Variants in CEP112 observed in about 807,000 individuals in gnomAD.
CEP112 encodes the protein centrosomal protein 112, also known as centrosomal protein of 112 kDa.
A neutral mutation model predicts 153.0 loss-of-function variants in CEP112; 127 were observed. That is an observed-to-expected ratio of 0.83 (90% CI 0.72 to 0.96). CEP112 has a LOEUF of 0.96. Among genes scored for constraint, CEP112 ranks in the 40% least tolerant of loss-of-function variants. CEP112 has a pLI of 0.00. For synonymous variants in CEP112, 358 were observed against 374.4 expected (o/e 0.96, Z 0.51); for missense variants, 1,089 against 1,101.2 (o/e 0.99, Z 0.16).
chr17:65,909,487 A>C (rs1031949195), intron 19 of CEP112, among the ~76,000 whole-genome samples: 8 of 152,174 alleles, frequency 5.3e-5, no homozygotes, highest in African/African-American at 1.9e-4. Context: ...ATACAATGTT[A>C]ATCTTAATCT....
At chr17:66,020,173 G>C (rs1202697900) in intron 16 of CEP112, among the ~76,000 whole-genome samples, 1 of 152,160 alleles carries the variant, frequency 6.6e-6, no homozygotes, top group East Asian at 1.9e-4. Flanking sequence ...TGGACAGCCA[G>C]TGATCTGCCC....
At chr17:65,916,632 G>A (rs2060503695) in intron 19 of CEP112, among the ~76,000 whole-genome samples, 1 of 151,104 alleles carries the variant, frequency 6.6e-6, no homozygotes, top group Non-Finnish European at 1.5e-5. Context: ...CTGTAACCTT[G>A]AACTCCCAGG....
chr17:66,000,299 G>T, intron 17 of CEP112, among the ~76,000 whole-genome samples: 1 of 147,282 alleles, frequency 6.8e-6, no homozygotes, highest in Admixed American at 6.8e-5. Context: ...GTTTTGATTT[G>T]CATTTCTCTA....
intron 23 of CEP112, among the ~76,000 whole-genome samples, chr17:65,693,561 G>A (rs1265644397): frequency 6.6e-6 from 1 of 152,054 alleles, no homozygotes; most frequent in East Asian, 1.9e-4. Context: ...ACCGTTGACA[G>A]GGAATTGGAA....
At chr17:66,092,099 T>C (rs1262390774) in intron 8 of CEP112, among the ~76,000 whole-genome samples, 1 of 151,002 alleles carries the variant, frequency 6.6e-6, no homozygotes, top group Admixed American at 6.6e-5. Context: ...TGGAGTGCAG[T>C]AGTGCGATCT....
At chr17:66,166,460 A>G (rs1394151703) in intron 4 of CEP112, among the ~76,000 whole-genome samples, 1 of 152,198 alleles carries the variant, frequency 6.6e-6, no homozygotes, top group Non-Finnish European at 1.5e-5. Context: ...ACTTCACTGA[A>G]AAGACATAAA....
At chr17:65,786,572 C>CTTTT (rs1195368604) in intron 21 of CEP112, among the ~76,000 whole-genome samples, 89 of 101,556 alleles carry the variant, frequency 8.8e-4, no homozygotes, top group Non-Finnish European at 1.2e-3. Flanking sequence ...TTAGCCAATT[C>CTTTT]TTTTTTTTTT....
At chr17:65,980,701 G>A (rs1458593231) in intron 17 of CEP112, among the ~76,000 whole-genome samples, 1 of 152,092 alleles carries the variant, frequency 6.6e-6, no homozygotes, top group Admixed American at 6.6e-5. Flanking sequence ...TGACCATTTG[G>A]GGGAATTTAA....
At chr17:65,769,556 T>C (rs1056133995) in intron 21 of CEP112, among the ~76,000 whole-genome samples, 8 of 152,222 alleles carry the variant, frequency 5.3e-5, no homozygotes, top group East Asian at 1.9e-4. Flanking sequence ...GGTACTGATA[T>C]AGAAACAGAT....
At chr17:65,985,496 T>C (rs1010067922) in intron 17 of CEP112, among the ~76,000 whole-genome samples, 3 of 152,182 alleles carry the variant, frequency 2.0e-5, no homozygotes, top group Non-Finnish European at 4.4e-5. Flanking sequence ...AGTCTAAAAG[T>C]GATGGCTAAG....
At chr17:65,867,711 TTTA>T (rs2058531050) in intron 20 of CEP112, among the ~76,000 whole-genome samples, 1 of 152,118 alleles carries the variant, frequency 6.6e-6, no homozygotes, top group Non-Finnish European at 1.5e-5. Flanking sequence ...TAATAAGGAG[TTTA>T]TTATTTAATA....
chr17:65,997,748 G>A (rs970733646), intron 17 of CEP112, among the ~76,000 whole-genome samples: 1 of 149,880 alleles, frequency 6.7e-6, no homozygotes, highest in Non-Finnish European at 1.5e-5. Context: ...TAAATATAAT[G>A]TCTAGATCCC....
At chr17:66,021,388 C>G (rs1020360363) in intron 16 of CEP112, among the ~76,000 whole-genome samples, 2 of 152,144 alleles carry the variant, frequency 1.3e-5, no homozygotes, top group African/African-American at 4.8e-5. Context: ...TGGGATACCC[C>G]TCCTTCATAG....
At chr17:65,975,873 A>T (rs778284326) in intron 17 of CEP112, among the ~76,000 whole-genome samples, 4 of 152,234 alleles carry the variant, frequency 2.6e-5, no homozygotes, top group Non-Finnish European at 5.9e-5. Context: ...CCAGGGAAGG[A>T]GAGAGAAAAA....
chr17:65,725,661 AAG>A (rs1412000583), intron 23 of CEP112, among the ~76,000 whole-genome samples: 1 of 152,178 alleles, frequency 6.6e-6, no homozygotes, highest in Admixed American at 6.5e-5. Flanking sequence ...TGGGAAGAAA[AAG>A]AGGTTTAATT....
intron 22 of CEP112, among the ~76,000 whole-genome samples, chr17:65,743,647 T>G (rs1347333522): frequency 6.6e-6 from 1 of 152,272 alleles, no homozygotes; most frequent in Non-Finnish European, 1.5e-5. Context: ...CACCTAATTC[T>G]ATACAGTAAT....
In CEP112 at chr17:65,744,366, G is replaced by C. The variant is rs573288342; in HGVS notation, c.2458-1149C>G. 7.2e-5 allele frequency among the ~76,000 whole-genome samples: 11 copies of C among 152,252 alleles called. No homozygotes were observed. The South Asian group carries it at 2.3e-3, about 32-fold the overall frequency. ...CCTCCCGGGTTCAAGTGATTCTCCT[G>C]CCTCAGCCTCCTGAGTAGCTGGGAC... On this transcript the variant is annotated intron_variant, in intron 22 of 26. Coordinates refer to ENST00000535342, the MANE Select transcript of CEP112 (RefSeq NM_001199165.4).
chr17:65,986,000 T>C (rs2063393703), intron 17 of CEP112, among the ~76,000 whole-genome samples: 1 of 152,130 alleles, frequency 6.6e-6, no homozygotes, highest in South Asian at 2.1e-4. Flanking sequence ...CCTAAACTTA[T>C]CCATTATGCA....
At position 65,902,266 on chromosome 17, in the gene CEP112, C is replaced by A. The variant is rs2059897222; in HGVS notation, c.2049G>T (p.Lys683Asn). The part of the protein sequence containing the change: ...THLLQQHNAE[K>N]DSLVRDHERE... ...GTTCATGGTCTCGGACTAGGCTATC[C>A]TTCTCTGCGTTATGCTGCTGTAATA... Residue 683 changes from lysine (K) to asparagine (N), a missense_variant, in exon 20 of 27, where the codon AAG becomes AAT. Physicochemically the swap from Lys to Asn is moderately conservative, Grantham distance 94 (BLOSUM62 0). Coordinates refer to ENST00000535342, the MANE Select transcript of CEP112 (RefSeq NM_001199165.4). 1.9e-6 allele frequency: 3 copies of A among 1,613,942 alleles called. No individual in the cohort carries two copies. The highest frequency in any genetic ancestry group is 2.5e-6 in the Non-Finnish European group (3 of 1,179,968).
Sources: allele counts gnomAD v4.1 joint callset (sites outside exome capture counted in the v4.1 genomes callset), GRCh38; gene constraint gnomAD v4.1.1; transcripts MANE v1.5; gene names NCBI Gene and HGNC (gene_info 2026-07-23, HGNC 2026-07-21).